Variants in RABGAP1L observed in about 807,000 individuals in gnomAD.
RABGAP1L encodes rab GTPase-activating protein 1-like.
In RABGAP1L, 63 loss-of-function variants were observed where a neutral mutation model predicts 137.7. That is an observed-to-expected ratio of 0.46 (90% CI 0.37 to 0.56). The LOEUF (loss-of-function observed/expected upper bound fraction) is 0.56. RABGAP1L is among the 20% of genes least tolerant of loss of function. RABGAP1L has a pLI of 0.00. For missense variants in RABGAP1L, 1,095 were observed against 1,244.0 expected (o/e 0.88, Z 1.80); for synonymous variants, 431 against 433.7 (o/e 0.99, Z 0.08).
chr1:174,308,719 C>A (rs1374792985), intron 11 of RABGAP1L, among the ~76,000 whole-genome samples: 1 of 151,766 alleles, frequency 6.6e-6, no homozygotes, highest in African/African-American at 2.4e-5. Flanking sequence ...TTCTGTTTAT[C>A]CCATTGGTCT....
At chr1:174,616,720 C>T (rs1671914595) in intron 13 of RABGAP1L, among the ~76,000 whole-genome samples, 1 of 152,172 alleles carries the variant, frequency 6.6e-6, no homozygotes, top group South Asian at 2.1e-4. Context: ...GGATACTTGA[C>T]TATGTGGATA....
intron 19 of RABGAP1L, among the ~76,000 whole-genome samples, chr1:174,815,545 T>A (rs1488553981): frequency 2.0e-5 from 3 of 152,230 alleles, no homozygotes; most frequent in Non-Finnish European, 2.9e-5. Flanking sequence ...ATCACTTTCC[T>A]TTAATTTTAA....
intron 12 of RABGAP1L, among the ~76,000 whole-genome samples, chr1:174,376,539 T>G (rs577920667): frequency 1.3e-5 from 2 of 152,196 alleles, no homozygotes; most frequent in Non-Finnish European, 2.9e-5. Context: ...GCTTTGACAT[T>G]TGAAAATAAA....
intron 13 of RABGAP1L, among the ~76,000 whole-genome samples, chr1:174,463,813 A>T (rs942073653): frequency 6.6e-6 from 1 of 151,810 alleles, no homozygotes; most frequent in Non-Finnish European, 1.5e-5. Context: ...AAAGTAAAAA[A>T]AATAATAATA....
intron 11 of RABGAP1L, among the ~76,000 whole-genome samples, chr1:174,325,686 C>A (rs1422084494): frequency 6.6e-6 from 1 of 152,202 alleles, no homozygotes; most frequent in Admixed American, 6.5e-5. Flanking sequence ...ACAGGAGGCT[C>A]ACTTCTGCAC....
intron 5 of RABGAP1L, chr1:174,244,783 T>C (rs1323106361): frequency 6.6e-6 from 1 of 152,242 alleles, no homozygotes; most frequent in African/African-American, 2.4e-5. Flanking sequence ...AAAGATACTT[T>C]TAAAGTGTTA....
chr1:174,527,733 T>G (rs1664023834), intron 13 of RABGAP1L, among the ~76,000 whole-genome samples: 1 of 152,066 alleles, frequency 6.6e-6, no homozygotes, highest in Non-Finnish European at 1.5e-5. Context: ...GAGAGTGGAG[T>G]GTTGAAGTCT....
At chr1:174,216,932 G>A (rs1301700776) in intron 1 of RABGAP1L, among the ~76,000 whole-genome samples, 3 of 152,050 alleles carry the variant, frequency 2.0e-5, no homozygotes, top group Non-Finnish European at 4.4e-5. Flanking sequence ...AAATAAATTG[G>A]CAGCTTTGTG....
rs186743014 is a variant in RABGAP1L at position 174,332,443 on chromosome 1, C to T, written c.1465+27316C>T. Among the ~76,000 whole-genome samples the T allele has an allele frequency of 3.7e-3, 556 of 152,040 alleles. 4 individuals carry two copies. The highest frequency in any genetic ancestry group is 0.012 in the African/African-American group (479 of 41,478). On this transcript the variant is annotated intron_variant, in intron 11 of 25. Coordinates refer to ENST00000681986, the MANE Select transcript of RABGAP1L (RefSeq NM_001366446.1). Reference sequence around the variant, plus strand: ...ACGGAGTCTCACTGTGTTGCCAAGGCTGGAGTGCAGCAGCATGATCTTGGC... The same window carrying T: ...ACGGAGTCTCACTGTGTTGCCAAGGTTGGAGTGCAGCAGCATGATCTTGGC...
chr1:174,173,964 A>T (rs1289571739), intron 1 of RABGAP1L, among the ~76,000 whole-genome samples: 1 of 141,776 alleles, frequency 7.1e-6, no homozygotes, highest in Non-Finnish European at 1.5e-5. Flanking sequence ...TCTCTGAAAC[A>T]TTACAAAAGC....
At chr1:174,833,468 A>ATATATATAT (rs1279866308) in intron 19 of RABGAP1L, among the ~76,000 whole-genome samples, 30 of 107,298 alleles carry the variant, frequency 2.8e-4, no homozygotes, top group East Asian at 5.0e-4. Context: ...ATATATATAT[A>ATATATATAT]GTAGAGACAG....
chr1:174,414,253 T>A (rs575407611), intron 13 of RABGAP1L, among the ~76,000 whole-genome samples: 5 of 152,130 alleles, frequency 3.3e-5, no homozygotes, highest in East Asian at 1.9e-4. Flanking sequence ...ATACAGTTTT[T>A]AAAAAAAATC....
intron 15 of RABGAP1L, among the ~76,000 whole-genome samples, chr1:174,695,570 A>T (rs952334961): frequency 1.3e-5 from 2 of 152,044 alleles, no homozygotes; most frequent in Non-Finnish European, 2.9e-5. Context: ...AATTCTCTTA[A>T]ATGTCACATA....
chr1:174,548,936 A>G (rs1463060143), intron 13 of RABGAP1L, among the ~76,000 whole-genome samples: 1 of 152,196 alleles, frequency 6.6e-6, no homozygotes, highest in African/African-American at 2.4e-5. Context: ...AATTATGAAA[A>G]TGTTTTACTA....
chr1:174,371,072 G>T lies in RABGAP1L; in HGVS notation c.1559G>T (p.Trp520Leu). Residue 520 changes from tryptophan to leucine, a missense_variant and splice_region_variant, in exon 12 of 26, where the codon TGG (tryptophan) becomes TTG (leucine). This residue lies in a region of RABGAP1L where 315 missense variants were observed against 324.8 expected (regional missense o/e 0.97). Transcript: ENST00000681986. ...TCTTGGGGAGAGTTGCTAGGAAAAT[G>T]GTAAAATTTTATTTTTCATACTGAA... ...LYSWGELLGK[W>L]HSNLGARPKG... 1 of 1,463,836 alleles carries T rather than the reference G, an allele frequency of 6.8e-7. No individual in the cohort carries two copies. Among genetic ancestry groups the T allele is most frequent in the Non-Finnish European group, 9.3e-7 (1 of 1,077,432 alleles). The allele number at this position is 1,463,836 out of a possible 1,614,324, so 90.7% of individuals were successfully genotyped here.
chr1:174,282,038 G>C (rs974602692), intron 10 of RABGAP1L, among the ~76,000 whole-genome samples: 1 of 152,108 alleles, frequency 6.6e-6, no homozygotes, highest in African/African-American at 2.4e-5. Context: ...TTATTCCTTT[G>C]TATAGCTGTA....
chr1:174,488,742 A>G (rs1352646710), intron 13 of RABGAP1L, among the ~76,000 whole-genome samples: 2 of 150,582 alleles, frequency 1.3e-5, no homozygotes, highest in African/African-American at 4.9e-5. Context: ...CTGAGTGTGT[A>G]TTTTCAAATA....
chr1:174,407,367 T>C (rs1269323693), intron 13 of RABGAP1L, among the ~76,000 whole-genome samples: 1 of 151,976 alleles, frequency 6.6e-6, no homozygotes, highest in African/African-American at 2.4e-5. Context: ...TTCTTAATTG[T>C]CCAAAATCTA....
chr1:174,375,584 A>G (rs1327655335), intron 12 of RABGAP1L, among the ~76,000 whole-genome samples: 3 of 152,160 alleles, frequency 2.0e-5, no homozygotes, highest in African/African-American at 7.2e-5. Context: ...TAAGCAACTC[A>G]CTGTCTATAA....
Sources: allele counts gnomAD v4.1 joint callset (sites outside exome capture counted in the v4.1 genomes callset), GRCh38; gene constraint gnomAD v4.1.1; regional missense constraint gnomAD v4.1.1; transcripts MANE v1.5; gene names NCBI Gene and HGNC (gene_info 2026-07-23, HGNC 2026-07-21).